The following PRUNE2 variants were observed in gnomAD, a reference collection of about 807,000 sequenced individuals.
The protein encoded by PRUNE2 is protein prune homolog 2.
A neutral mutation model predicts 252.0 loss-of-function variants in PRUNE2; 164 were observed. The observed-to-expected ratio is 0.65, with a 90% CI of 0.57 to 0.74. The LOEUF is 0.74. Ranked by LOEUF, PRUNE2 falls within the 30% of genes least tolerant of loss-of-function variation. The pLI, the probability that PRUNE2 is intolerant of heterozygous loss-of-function variation, is 0.00. For synonymous variants in PRUNE2, 1,292 were observed against 1,350.2 expected (o/e 0.96, Z 0.94); for missense variants, 3,495 against 3,711.0 (o/e 0.94, Z 1.51).
At chr9:76,623,075 C>T (rs1257319072) in intron 17 of PRUNE2, among the ~76,000 whole-genome samples, 1 of 152,160 alleles carries the variant, frequency 6.6e-6, no homozygotes, top group Non-Finnish European at 1.5e-5. Context: ...TTTATTTATT[C>T]AGAATTTATA....
intron 1 of PRUNE2, among the ~76,000 whole-genome samples, chr9:76,883,028 T>C (rs2061882503): frequency 2.0e-5 from 3 of 152,188 alleles, no homozygotes; most frequent in Admixed American, 6.5e-5. Context: ...GCCTCAATTT[T>C]CTCAACTAGG....
At chr9:76,740,194 A>T (rs7860042) in intron 6 of PRUNE2, 60,352 of 151,900 alleles carry the variant, frequency 0.4, 12,695 homozygotes, top group Admixed American at 0.54. Flanking sequence ...TCACGCCTGT[A>T]ATCCCAGCAC....
At chr9:76,777,037 C>G (rs1029263157) in intron 6 of PRUNE2, among the ~76,000 whole-genome samples, 1 of 151,862 alleles carries the variant, frequency 6.6e-6, no homozygotes, top group Non-Finnish European at 1.5e-5. Flanking sequence ...GCCACTGCAC[C>G]AATGCCATCA....
chr9:76,664,032 C>T (rs887642580), intron 9 of PRUNE2, among the ~76,000 whole-genome samples: 2 of 152,186 alleles, frequency 1.3e-5, no homozygotes, highest in Admixed American at 6.5e-5. Flanking sequence ...TTCTCTGTGA[C>T]GACTTTGAAA....
At chr9:76,704,737 G>T in intron 8 of PRUNE2, 24 bp downstream of exon 8, 1 of 1,451,180 alleles carries the variant, frequency 6.9e-7, no homozygotes, top group African/African-American at 1.4e-5. Context: ...TTTCTTGGAA[G>T]TGGAAGAATG....
Position 76,795,816 on chromosome 9 carries a change from AATC to A in PRUNE2, c.756+27813_756+27815del, listed in dbSNP as rs142087630. On this transcript the variant is annotated intron_variant, in intron 6 of 18. Transcript: ENST00000376718. ...ATTCAAAGCCCCAGGTGTACATAAAAATCACACATAACTTTTTTAACAAATGGC... is the reference window on the plus strand; with the variant it reads ...ATTCAAAGCCCCAGGTGTACATAAAAACACATAACTTTTTTAACAAATGGC... Among the ~76,000 whole-genome samples, 581 of 152,328 alleles carry A rather than the reference AATC, an allele frequency of 3.8e-3. 6 individuals are homozygous for A. The highest frequency in any genetic ancestry group is 0.013 in the African/African-American group (559 of 41,570).
At chr9:76,803,866 T>C (rs756444608) in intron 6 of PRUNE2, among the ~76,000 whole-genome samples, 2 of 152,238 alleles carry the variant, frequency 1.3e-5, no homozygotes, top group Non-Finnish European at 2.9e-5. Flanking sequence ...ACTGACACTT[T>C]GTCTCATGGG....
intron 9 of PRUNE2, among the ~76,000 whole-genome samples, chr9:76,694,336 C>T (rs1480893490): frequency 6.6e-6 from 1 of 152,092 alleles, no homozygotes; most frequent in African/African-American, 2.4e-5. Flanking sequence ...GCATGTGTCA[C>T]CATGCCCAAC....
chr9:76,656,006 T>C (rs1018510066), intron 9 of PRUNE2, among the ~76,000 whole-genome samples: 4 of 152,288 alleles, frequency 2.6e-5, no homozygotes, highest in African/African-American at 7.2e-5. Flanking sequence ...GCTACAAAAG[T>C]AAAGTGCCTA....
intron 6 of PRUNE2, among the ~76,000 whole-genome samples, chr9:76,774,914 G>T (rs2053573205): frequency 6.6e-6 from 1 of 152,166 alleles, no homozygotes; most frequent in African/African-American, 2.4e-5. Flanking sequence ...ATTACTTTTT[G>T]TTGCTGAGCT....
chr9:76,795,286 T>G (rs2131462915), intron 6 of PRUNE2, among the ~76,000 whole-genome samples: 1 of 152,242 alleles, frequency 6.6e-6, no homozygotes, highest in Non-Finnish European at 1.5e-5. Context: ...AACACTGGGC[T>G]TCAAAGACAT....
intron 12 of PRUNE2, 82 bp from the exon 13 acceptor site, chr9:76,638,370 G>C (rs1266827289): frequency 1.1e-6 from 1 of 915,124 alleles, no homozygotes; most frequent in Non-Finnish European, 1.7e-6. Context: ...TAAATATGAA[G>C]CCTTGGCAAG....
intron 11 of PRUNE2, among the ~76,000 whole-genome samples, chr9:76,646,804 C>T (rs1237759096): frequency 2.0e-5 from 3 of 152,150 alleles, no homozygotes; most frequent in Non-Finnish European, 2.9e-5. Flanking sequence ...TACCCTCTGA[C>T]CTGCTCTAGC....
At chr9:76,874,353 C>T (rs1033995246) in intron 1 of PRUNE2, among the ~76,000 whole-genome samples, 7 of 152,108 alleles carry the variant, frequency 4.6e-5, no homozygotes, top group African/African-American at 1.2e-4. Flanking sequence ...AAAAAGTGCA[C>T]ATGAAAGCAT....
At chr9:76,624,648 A>G (rs1587761926) in intron 16 of PRUNE2, among the ~76,000 whole-genome samples, 158 bp from the exon 17 acceptor site, 1 of 152,204 alleles carries the variant, frequency 6.6e-6, no homozygotes, top group African/African-American at 2.4e-5. Flanking sequence ...TCCATTAAAT[A>G]TGTTGTCATT....
intron 1 of PRUNE2, among the ~76,000 whole-genome samples, chr9:76,891,265 T>C (rs1019644437): frequency 6.6e-6 from 1 of 152,220 alleles, no homozygotes; most frequent in African/African-American, 2.4e-5. Flanking sequence ...TTACACCTGC[T>C]CTGTAGCAGG....
chr9:76,897,228 T>C (rs576704957), intron 1 of PRUNE2, among the ~76,000 whole-genome samples: 8 of 152,204 alleles, frequency 5.3e-5, no homozygotes, highest in Admixed American at 5.2e-4. Flanking sequence ...TATAAACTTG[T>C]CAAGCTGTTC....
In PRUNE2 at chr9:76,710,781, G is replaced by A. The variant is rs2135006850; in HGVS notation, c.1493C>T (p.Pro498Leu). The change falls in exon 8 of 19, where the codon CCA becomes CTA. Residue 498 changes from proline (P) to leucine (L), a missense_variant. Physicochemically the swap from Pro to Leu is moderately conservative, Grantham distance 98. Coordinates refer to ENST00000376718, the MANE Select transcript of PRUNE2 (RefSeq NM_015225.3). ...GEHFDLFNFD[P>L]APMASGQSQQ... ...GGACTGCCCAGAAGCCATGGGTGCT[G>A]GGTCAAAATTGAAGAGGTCGAAGTG... 6.3e-7 allele frequency: 1 copy of A among 1,596,594 alleles called. No homozygotes were observed. Among genetic ancestry groups the A allele is most frequent in the Non-Finnish European group, 8.5e-7 (1 of 1,172,904 alleles).
At chr9:76,714,731 T>C (rs1274397343) in intron 6 of PRUNE2, among the ~76,000 whole-genome samples, 3 of 152,210 alleles carry the variant, frequency 2.0e-5, no homozygotes, top group African/African-American at 7.2e-5. Flanking sequence ...TGAGAGCCAC[T>C]TTCTCTGTGT....
Sources: allele counts gnomAD v4.1 joint callset (sites outside exome capture counted in the v4.1 genomes callset), GRCh38; gene constraint gnomAD v4.1.1; transcripts MANE v1.5; gene names NCBI Gene and HGNC (gene_info 2026-07-23, HGNC 2026-07-21).